Variants in CEACAM7 observed in about 807,000 individuals in gnomAD.
CEACAM7 encodes the protein cell adhesion molecule CEACAM7.
Under a neutral mutation model 25.7 loss-of-function variants are expected in CEACAM7, and 24 were observed. That is an observed-to-expected ratio of 0.93 (90% CI 0.68 to 1.31). CEACAM7 has a LOEUF of 1.31. Ranked by LOEUF, CEACAM7 falls within the 40% of genes most tolerant of loss-of-function variation. CEACAM7 has a pLI of 0.00. For synonymous variants in CEACAM7, 144 were observed against 129.4 expected (o/e 1.11, Z -0.77); for missense variants, 324 against 330.1 (o/e 0.98, Z 0.14).
At chr19:41,676,554 A>G (rs1036808717) in intron 4 of CEACAM7, among the ~76,000 whole-genome samples, 15 of 152,098 alleles carry the variant, frequency 9.9e-5, no homozygotes, top group African/African-American at 3.4e-4. Context: ...CTTAGGCTTT[A>G]TGTTCCCTGG....
rs782288245 is a variant in CEACAM7 at position 41,687,010 on chromosome 19, T to C, written c.276A>G (p.Pro92=). 240 of 1,613,868 alleles carry C rather than the reference T, an allele frequency of 1.5e-4. No individual in the cohort carries two copies. The highest frequency in any genetic ancestry group is 2.0e-4 in the Admixed American group (12 of 59,976). The change falls in exon 2 of 5, where the codon CCA becomes CCG. Residue 92 remains proline, a synonymous_variant. Transcript: ENST00000401731. ...TCTCTCGACCGTTGTGTGCGGGCCC[T>C]GGGGCATTTTCTTGACTTATATTTT... The part of the protein sequence containing the change: ...YVKNISQENA[P]GPAHNGRETI...
chr19:41,676,408 T>A (rs1568684971), intron 4 of CEACAM7, among the ~76,000 whole-genome samples: 1 of 152,230 alleles, frequency 6.6e-6, no homozygotes, highest in Non-Finnish European at 1.5e-5. Flanking sequence ...TGGCCCAAGT[T>A]GGAGTGCAGA....
At chr19:41,679,801 CT>C (rs34340713) in intron 3 of CEACAM7, among the ~76,000 whole-genome samples, 111 of 111,892 alleles carry the variant, frequency 9.9e-4, no homozygotes, top group East Asian at 5.2e-3. Context: ...CTCTCTCTCT[CT>C]TTTTTTTTTT....
At chr19:41,679,805 T>A (rs1161070390) in intron 3 of CEACAM7, among the ~76,000 whole-genome samples, 1 of 143,932 alleles carries the variant, frequency 6.9e-6, no homozygotes, top group African/African-American at 2.6e-5. Context: ...CTCTCTCTTT[T>A]TTTTTTTTTT....
chr19:41,685,705 G>A (rs558150976), intron 2 of CEACAM7, among the ~76,000 whole-genome samples: 1 of 152,112 alleles, frequency 6.6e-6, no homozygotes, highest in Admixed American at 6.5e-5. Flanking sequence ...CAGGATTTCA[G>A]GTCCAGTGAG....
At chr19:41,687,677 C>T (rs2072242858) in intron 1 of CEACAM7, among the ~76,000 whole-genome samples, 1 of 152,206 alleles carries the variant, frequency 6.6e-6, no homozygotes, top group Admixed American at 6.5e-5. Context: ...CTGGATTGCA[C>T]CCCAGTGCCT....
chr19:41,680,373 C>G (rs1360262564), intron 3 of CEACAM7, among the ~76,000 whole-genome samples: 1 of 151,960 alleles, frequency 6.6e-6, no homozygotes, highest in African/African-American at 2.4e-5. Flanking sequence ...TTAATGCAAT[C>G]CCTACCAGAA....
At chr19:41,686,733 A>G (rs2072228801) in intron 2 of CEACAM7, 126 bp downstream of exon 2, 1 of 1,095,000 alleles carries the variant, frequency 9.1e-7, no homozygotes, top group South Asian at 2.1e-5. Context: ...TCCTTCACTA[A>G]ATGCCCAAAC....
Position 41,685,899 on chromosome 19 carries a change from G to A in CEACAM7, c.427+960C>T, listed in dbSNP as rs372865342. Reference sequence around the variant, plus strand: ...AGCTCTGTGGCTACAAAGACCTGGGGACTCTGATGTGACTGTCCGGTCCGT... The same window carrying A: ...AGCTCTGTGGCTACAAAGACCTGGGAACTCTGATGTGACTGTCCGGTCCGT... On this transcript the variant is annotated intron_variant, in intron 2 of 4. Coordinates refer to ENST00000401731, the MANE Select transcript of CEACAM7 (RefSeq NM_001291485.2). Among the ~76,000 whole-genome samples, 22 of 152,106 alleles carry A rather than the reference G, an allele frequency of 1.4e-4. No homozygotes were observed. The East Asian group carries it at 2.1e-3, about 15-fold the overall frequency.
chr19:41,685,356 G>A (rs748551741), intron 2 of CEACAM7, among the ~76,000 whole-genome samples: 3 of 112,156 alleles, frequency 2.7e-5, no homozygotes, highest in Non-Finnish European at 6.1e-5. Flanking sequence ...GCCCAGGCTG[G>A]TCTTGAACTC....
At position 41,686,991 on chromosome 19, in the gene CEACAM7, G is replaced by T; in HGVS notation, c.295C>A (p.Arg99=). ...GTTCCATTGGGGTATATTGTCTCTC[G>T]ACCGTTGTGTGCGGGCCCTGGGGCA... ...ENAPGPAHNG[R]ETIYPNGTLL... is the part of the protein sequence containing the mutation. Residue 99 remains arginine (R), a synonymous_variant, in exon 2 of 5, where the codon CGA becomes AGA. Transcript: ENST00000401731. 1 of 1,613,408 alleles carries T rather than the reference G, an allele frequency of 6.2e-7. No homozygotes were observed. The highest frequency in any genetic ancestry group is 8.5e-7 in the Non-Finnish European group (1 of 1,179,722).
chr19:41,684,992 C>T (rs2072212848), intron 2 of CEACAM7, among the ~76,000 whole-genome samples: 1 of 152,170 alleles, frequency 6.6e-6, no homozygotes, highest in African/African-American at 2.4e-5. Flanking sequence ...TCCAAGGGAC[C>T]CCACCTTATG....
At chr19:41,682,101 C>T (rs2084650088) in intron 3 of CEACAM7, among the ~76,000 whole-genome samples, 1 of 152,082 alleles carries the variant, frequency 6.6e-6, no homozygotes, top group Non-Finnish European at 1.5e-5. Flanking sequence ...CATGTGCCAC[C>T]ATGTTTCGCT....
At chr19:41,682,544 A>G (rs574430003) in intron 3 of CEACAM7, among the ~76,000 whole-genome samples, 9 of 152,230 alleles carry the variant, frequency 5.9e-5, no homozygotes, top group African/African-American at 1.9e-4. Context: ...GACCCAGGAG[A>G]GGCTCTGCCA....
chr19:41,687,794 A>G (rs748604785), intron 1 of CEACAM7, among the ~76,000 whole-genome samples: 2 of 151,630 alleles, frequency 1.3e-5, no homozygotes, highest in Non-Finnish European at 2.9e-5. Context: ...GCTAGGGACA[A>G]TGTTTTATGC....
chr19:41,681,020 T>C (rs1303232801), intron 3 of CEACAM7, among the ~76,000 whole-genome samples: 2 of 152,114 alleles, frequency 1.3e-5, no homozygotes, highest in African/African-American at 2.4e-5. Context: ...AAATCATATA[T>C]CTGATAAGGG....
chr19:41,688,230 G>A lies in CEACAM7; in HGVS notation c.-65C>T. The A allele has an allele frequency of 6.4e-7, 1 of 1,574,762 alleles. No homozygotes were observed. Among genetic ancestry groups the A allele is most frequent in the Non-Finnish European group, 8.6e-7 (1 of 1,160,660 alleles). ...GGGCTCCAGGAACTCTCTTGTCAGG[G>A]CTGCTGTGACTGTCAGCTCTGCTGT... On this transcript the variant is annotated 5_prime_UTR_variant, in exon 1 of 5. Coordinates refer to ENST00000401731, the MANE Select transcript of CEACAM7 (RefSeq NM_001291485.2).
At chr19:41,683,718 G>A (rs781948927) in intron 3 of CEACAM7, 67 bp downstream of exon 3, 12 of 1,586,646 alleles carry the variant, frequency 7.6e-6, no homozygotes, top group Admixed American at 1.7e-5. Flanking sequence ...GGGACTAAGA[G>A]GCCTGGTCTC....
chr19:41,681,362 GTAGA>G (rs1555810685), intron 3 of CEACAM7, among the ~76,000 whole-genome samples: 2 of 152,148 alleles, frequency 1.3e-5, no homozygotes. Flanking sequence ...GTGGAAAATG[GTAGA>G]GCCGTTTCTC....
Sources: allele counts gnomAD v4.1 joint callset (sites outside exome capture counted in the v4.1 genomes callset), GRCh38; gene constraint gnomAD v4.1.1; transcripts MANE v1.5; gene names NCBI Gene and HGNC (gene_info 2026-07-23, HGNC 2026-07-21).